Variants in TAS2R1 observed in about 807,000 individuals in gnomAD.
TAS2R1 encodes the protein taste receptor type 2 member 1.
For missense variants in TAS2R1, 370 were observed against 353.4 expected, an observed-to-expected ratio of 1.05 and a Z score of -0.38; for synonymous variants, 141 against 134.2, an observed-to-expected ratio of 1.05 and a Z score of -0.35.
At chr5:9,716,337 T>C (rs1030022303), upstream of TAS2R1, among the ~76,000 whole-genome samples, 1 of 152,090 alleles carries the variant, frequency 6.6e-6, no homozygotes, top group African/African-American at 2.4e-5. Flanking sequence ...AGTCCCTGTT[T>C]CCCTTTTTTC....
intron 1 of TAS2R1, among the ~76,000 whole-genome samples, chr5:9,686,684 C>A (rs1423189146): frequency 1.3e-5 from 2 of 152,036 alleles, no homozygotes; most frequent in Non-Finnish European, 2.9e-5. Flanking sequence ...TATAAAGGGC[C>A]AACATCTGGG....
chr5:9,838,160 G>A, the TAS2R1 span, among the ~76,000 whole-genome samples: 310 of 152,284 alleles, frequency 2.0e-3, 1 homozygote, highest in South Asian at 7.1e-3. Flanking sequence ...ACAGATCCCT[G>A]GGTATAGACC....
intron 1 of TAS2R1, among the ~76,000 whole-genome samples, chr5:9,663,029 C>A (rs2126496905): frequency 6.6e-6 from 1 of 152,240 alleles, no homozygotes; most frequent in Admixed American, 6.5e-5. Context: ...TCTGGTTGTA[C>A]TTTCATCCAC....
chr5:9,749,484 T>C, the TAS2R1 span, among the ~76,000 whole-genome samples: 3 of 152,224 alleles, frequency 2.0e-5, no homozygotes, highest in East Asian at 1.9e-4. Flanking sequence ...ATTCTTCAGA[T>C]ACTGAAAGAT....
chr5:9,857,070 A>G, the TAS2R1 span, among the ~76,000 whole-genome samples: 2 of 152,322 alleles, frequency 1.3e-5, no homozygotes, highest in Admixed American at 1.3e-4. Flanking sequence ...TGATTCATAT[A>G]TATTAATACA....
chr5:9,760,078 G>GTT, the TAS2R1 span, among the ~76,000 whole-genome samples: 1 of 152,116 alleles, frequency 6.6e-6, no homozygotes, highest in Admixed American at 6.5e-5. Context: ...CAGCAATAAT[G>GTT]TTTTACCCAC....
At chr5:9,660,009 T>C (rs936476060) in intron 1 of TAS2R1, 1 of 152,032 alleles carries the variant, frequency 6.6e-6, no homozygotes, top group Non-Finnish European at 1.5e-5. Flanking sequence ...GTTAAAAATA[T>C]TTTTTAAGAA....
At chr5:9,759,278 T>C in the TAS2R1 span, among the ~76,000 whole-genome samples, 15 of 152,186 alleles carry the variant, frequency 9.9e-5, no homozygotes, top group Admixed American at 9.8e-4. Flanking sequence ...TCTCTCCCAC[T>C]GACACTGACC....
At chr5:9,828,627 C>T in the TAS2R1 span, among the ~76,000 whole-genome samples, 5 of 152,172 alleles carry the variant, frequency 3.3e-5, no homozygotes, top group Admixed American at 2.0e-4. Flanking sequence ...AACTGCTTTG[C>T]ATTTGCATAA....
Position 9,629,207 on chromosome 5 carries a change from T to A in TAS2R1, c.826A>T (p.Ile276Phe). ...IGIYPSGHSLILILGNPKLKQ... is the reference protein window; with the variant it reads ...IGIYPSGHSLFLILGNPKLKQ... ...AATTTAGGATTTCCTAAAATTAAGA[T>A]GAGAGAGTGTCCAGAAGGGTATATA... The change falls in exon 1 of 1, where the codon ATC becomes TTC. Residue 276 changes from isoleucine to phenylalanine, a missense_variant. Ile to Phe is a conservative substitution (Grantham distance 21). Coordinates refer to ENST00000382492, the MANE Select transcript of TAS2R1 (RefSeq NM_019599.3). The A allele has an allele frequency of 1.1e-5, 18 of 1,601,820 alleles. No individual in the cohort carries two copies. The highest frequency in any genetic ancestry group is 1.5e-5 in the Non-Finnish European group (18 of 1,176,040).
chr5:9,658,401 A>T (rs1034881923), intron 2 of TAS2R1: 2 of 152,190 alleles, frequency 1.3e-5, no homozygotes, highest in African/African-American at 4.8e-5. Context: ...TGTAACCATG[A>T]TTCTTATACT....
the TAS2R1 span, among the ~76,000 whole-genome samples, chr5:9,719,936 A>AAC: frequency 8.6e-6 from 1 of 115,730 alleles, no homozygotes; most frequent in African/African-American, 3.5e-5. Context: ...AAAAAAAAAA[A>AAC]AACAAAAACA....
chr5:9,701,717 G>C (rs1269854347), intron 1 of TAS2R1, among the ~76,000 whole-genome samples: 1 of 152,134 alleles, frequency 6.6e-6, no homozygotes, highest in African/African-American at 2.4e-5. Context: ...ATTTTCTCCA[G>C]TTCTTATCAT....
chr5:9,713,429 C>T (rs1036398739), upstream of TAS2R1, among the ~76,000 whole-genome samples: 1 of 152,088 alleles, frequency 6.6e-6, no homozygotes, highest in Non-Finnish European at 1.5e-5. Context: ...TCAGGCACAG[C>T]TTTTGCAAAT....
chr5:9,629,030 G>C lies in TAS2R1; in HGVS notation c.*103C>G. Reference sequence around the variant, plus strand: ...GGATAAACAGGCCTGAAGGGGACATGTTGTATATTTATGAACAGGCTGCTT... The same window carrying C: ...GGATAAACAGGCCTGAAGGGGACATCTTGTATATTTATGAACAGGCTGCTT... On this transcript the variant is annotated 3_prime_UTR_variant, in exon 1 of 1. Coordinates refer to ENST00000382492, the MANE Select transcript of TAS2R1 (RefSeq NM_019599.3). The C allele has an allele frequency of 8.0e-7, 1 of 1,249,668 alleles. No homozygotes were observed. The highest frequency in any genetic ancestry group is 1.8e-5 in the South Asian group (1 of 56,450). The allele number at this position is 1,249,668 out of a possible 1,614,324, so 77.4% of individuals were successfully genotyped here.
chr5:9,831,742 C>T, the TAS2R1 span, among the ~76,000 whole-genome samples: 1 of 151,982 alleles, frequency 6.6e-6, no homozygotes, highest in African/African-American at 2.4e-5. Flanking sequence ...CTTTTCTCCT[C>T]CAAGGCAAAA....
chr5:9,705,179 C>A (rs908263789), intron 1 of TAS2R1, among the ~76,000 whole-genome samples: 3 of 152,100 alleles, frequency 2.0e-5, no homozygotes, highest in African/African-American at 4.8e-5. Context: ...GCAAGACATG[C>A]ATGCATGTGT....
At chr5:9,839,921 T>G in the TAS2R1 span, among the ~76,000 whole-genome samples, 1 of 152,204 alleles carries the variant, frequency 6.6e-6, no homozygotes, top group Admixed American at 6.5e-5. Context: ...AAAGGAAACT[T>G]CTAGCCCCTT....
chr5:9,761,456 T>C, the TAS2R1 span, among the ~76,000 whole-genome samples: 3 of 150,676 alleles, frequency 2.0e-5, no homozygotes, highest in African/African-American at 7.3e-5. Flanking sequence ...AAAATGGAGA[T>C]TTATGGTTGC....
Sources: allele counts gnomAD v4.1 joint callset (sites outside exome capture counted in the v4.1 genomes callset), GRCh38; gene constraint gnomAD v4.1.1; transcripts MANE v1.5; gene names NCBI Gene and HGNC (gene_info 2026-07-23, HGNC 2026-07-21).